Variants in SLFN12L observed in about 807,000 individuals in gnomAD.
SLFN12L encodes the protein schlafen family member 12-like.
Under a neutral mutation model 34.8 loss-of-function variants are expected in SLFN12L, and 34 were observed. The observed-to-expected ratio is 0.98, with a 90% CI of 0.74 to 1.30. SLFN12L has a LOEUF of 1.30. SLFN12L is among the 50% of genes most tolerant of loss of function. SLFN12L has a pLI of 0.00. For missense variants in SLFN12L, 703 were observed against 696.2 expected, an observed-to-expected ratio of 1.01 and a Z score of -0.11; for synonymous variants, 259 against 247.5, an observed-to-expected ratio of 1.05 and a Z score of -0.44.
rs1352310664 is a variant in SLFN12L at position 35,530,527 on chromosome 17, GAAAAGAAAAGA to G, written c.-606+7035_-606+7045del. Among the ~76,000 whole-genome samples the G allele has an allele frequency of 4.7e-3, 178 of 37,510 alleles. 13 individuals are homozygous for G. The highest frequency in any genetic ancestry group is 0.012 in the African/African-American group (175 of 14,402). The allele number at this position is 37,510 out of a possible 152,430, so 24.6% of individuals were successfully genotyped here. ...AAGAAAGAAAGAAAAGAAAAGAAAA[GAAAAGAAAAGA>G]AAAGAAAGAAAGAAAGAAAGAGAAA... On this transcript the variant is annotated intron_variant, in intron 1 of 4. Coordinates refer to ENST00000628453, the MANE Select transcript of SLFN12L (RefSeq NM_001363830.2).
rs1188497065 is a variant in SLFN12L at position 35,470,205 on chromosome 17, G to A, written c.*4718C>T. The A allele has an allele frequency of 6.6e-6, 1 of 150,794 alleles. No homozygotes were observed. The highest frequency in any genetic ancestry group is 1.5e-5 in the Non-Finnish European group (1 of 67,592). The allele number at this position is 150,794 out of a possible 1,614,324, so 9.3% of individuals were successfully genotyped here. On this transcript the variant is annotated 3_prime_UTR_variant, in exon 5 of 5. Transcript: ENST00000628453. ...GCAAAACTATGTTCCATGTAGATCT[G>A]GCCCATCTTGAGGCTATTGTTCCTG...
At chr17:35,534,085 G>A (rs1436608777) in intron 1 of SLFN12L, among the ~76,000 whole-genome samples, 3 of 148,590 alleles carry the variant, frequency 2.0e-5, no homozygotes, top group African/African-American at 7.5e-5. Flanking sequence ...AGAAAGGCCT[G>A]GGCACGGTGT....
At chr17:35,478,265 A>G in intron 3 of SLFN12L, 80 bp from the exon 4 acceptor site, 2 of 834,516 alleles carry the variant, frequency 2.4e-6, no homozygotes, top group Non-Finnish European at 3.9e-6. Flanking sequence ...TGCACAGTAT[A>G]CCAAACGTCT....
intron 2 of SLFN12L, chr17:35,498,073 G>A (rs1310424981): frequency 3.8e-6 from 2 of 532,588 alleles, no homozygotes; most frequent in Non-Finnish European, 6.6e-6. Flanking sequence ...CAGAGCGGCG[G>A]CGAGGGCGGC....
At chr17:35,496,295 C>T (rs948387157) in intron 2 of SLFN12L, among the ~76,000 whole-genome samples, 8 of 152,060 alleles carry the variant, frequency 5.3e-5, no homozygotes, top group African/African-American at 1.7e-4. Flanking sequence ...GCTACATCAG[C>T]CGTGATCGCG....
Position 35,484,665 on chromosome 17 carries a change from C to T in SLFN12L, c.87-4470G>A, listed in dbSNP as rs536175713. On this transcript the variant is annotated intron_variant, in intron 2 of 4. Transcript: ENST00000628453. Reference sequence around the variant, plus strand: ...TGTCCTAGGACCTCATGGCTAGGTCCTATTCCAGGAGAATAGCCTGGCAAG... The same window carrying T: ...TGTCCTAGGACCTCATGGCTAGGTCTTATTCCAGGAGAATAGCCTGGCAAG... Among the ~76,000 whole-genome samples, 12 of 152,304 alleles carry T rather than the reference C, an allele frequency of 7.9e-5. No homozygotes were observed. The South Asian group carries it at 2.5e-3, about 32-fold the overall frequency.
At chr17:35,535,124 C>T (rs1796029951) in intron 1 of SLFN12L, among the ~76,000 whole-genome samples, 2 of 151,394 alleles carry the variant, frequency 1.3e-5, no homozygotes, top group Non-Finnish European at 2.9e-5. Flanking sequence ...GGGTGAGGCT[C>T]AAATCCAGGA....
chr17:35,533,312 G>C (rs2072428908), intron 1 of SLFN12L, among the ~76,000 whole-genome samples: 1 of 152,156 alleles, frequency 6.6e-6, no homozygotes, highest in Non-Finnish European at 1.5e-5. Flanking sequence ...ATAAATAATA[G>C]TCATAAATCA....
intron 2 of SLFN12L, chr17:35,491,070 T>TATGA (rs544499980): frequency 2.3e-5 from 18 of 784,108 alleles, no homozygotes; most frequent in Middle Eastern, 2.3e-4. Context: ...AATCCTCTAG[T>TATGA]ATGACCATTT....
At chr17:35,502,238 G>T (rs1597860329) in intron 2 of SLFN12L, among the ~76,000 whole-genome samples, 1 of 151,916 alleles carries the variant, frequency 6.6e-6, no homozygotes, top group Non-Finnish European at 1.5e-5. Context: ...GTAAACAAGG[G>T]GGTATCCCAA....
intron 2 of SLFN12L, among the ~76,000 whole-genome samples, chr17:35,483,413 C>T (rs532527425): frequency 6.6e-6 from 1 of 152,288 alleles, no homozygotes; most frequent in South Asian, 2.1e-4. Flanking sequence ...AAAATCAACA[C>T]CCTGAAGATC....
chr17:35,522,854 A>T lies in SLFN12L; in HGVS notation c.-490T>A. 4 of 991,330 alleles carry T rather than the reference A, an allele frequency of 4.0e-6. No homozygotes were observed. The highest frequency in any genetic ancestry group is 6.2e-6 in the Non-Finnish European group (4 of 641,496). 61.4% of individuals were successfully genotyped at this position (991,330 alleles called of 1,614,324 possible). ...CAGCCTAGCTTCTAGAGAGGATCAC[A>T]ATTCCCCAGGAGAAAGGTTGGGTTT... On this transcript the variant is annotated 5_prime_UTR_variant, in exon 2 of 5. Coordinates refer to ENST00000628453, the MANE Select transcript of SLFN12L (RefSeq NM_001363830.2).
At position 35,537,570 on chromosome 17, in the gene SLFN12L, T is replaced by C. The variant is rs2072474422; in HGVS notation, c.-606+3A>G. On this transcript the variant is annotated splice_donor_region_variant and intron_variant, in intron 1 of 4. Coordinates refer to ENST00000628453, the MANE Select transcript of SLFN12L (RefSeq NM_001363830.2). The stretch of plus-strand genomic sequence containing the variant: ...TAGATCTCTCTGGACAATCTGTACT[T>C]ACCTTGGGAGTTAAAAGATTCCACA... The C allele has an allele frequency of 6.6e-6, 1 of 152,246 alleles. No homozygotes were observed. The highest frequency in any genetic ancestry group is 2.4e-5 in the African/African-American group (1 of 41,464). The allele number at this position is 152,246 out of a possible 1,614,324, so 9.4% of individuals were successfully genotyped here.
chr17:35,515,229 A>T, intron 2 of SLFN12L: 1 of 515,816 alleles, frequency 1.9e-6, no homozygotes, highest in Non-Finnish European at 3.7e-6. Flanking sequence ...GCGGTGGGGG[A>T]AAGGAGCGGT....
chr17:35,480,101 C>T lies in SLFN12L; in HGVS notation c.181G>A (p.Gly61Arg). The T allele has an allele frequency of 6.2e-7, 1 of 1,614,052 alleles. No individual in the cohort carries two copies. The highest frequency in any genetic ancestry group is 1.1e-5 in the South Asian group (1 of 91,062). ...TTGTTCTCTCCAAGAGTGACTCTTC[C>T]CACATTTAGAACCAGCTCAGCATAG... ...TNYAELVLNV[G>R]RVTLGENNRK... Residue 61 changes from glycine (G) to arginine (R), a missense_variant, in exon 3 of 5, where the codon GGA becomes AGA. Transcript: ENST00000628453.
intron 2 of SLFN12L, chr17:35,480,445 G>A (rs866584065): frequency 1.1e-5 from 4 of 363,968 alleles, no homozygotes; most frequent in African/African-American, 6.3e-5. Context: ...GTCTTTATGT[G>A]TTCGTTGTGT....
At chr17:35,483,445 T>C (rs1914433837) in intron 2 of SLFN12L, among the ~76,000 whole-genome samples, 1 of 152,168 alleles carries the variant, frequency 6.6e-6, no homozygotes, top group African/African-American at 2.4e-5. Flanking sequence ...GCTCACCCCT[T>C]CTGCCATATG....
At position 35,466,835 on chromosome 17, in the gene SLFN12L, C is replaced by T. The variant is rs973428729; in HGVS notation, c.*8088G>A. On this transcript the variant is annotated 3_prime_UTR_variant, in exon 5 of 5. Coordinates refer to ENST00000628453, the MANE Select transcript of SLFN12L (RefSeq NM_001363830.2). The stretch of plus-strand genomic sequence containing the variant: ...CTACGAATTGCCTGAGGGCTCTCAG[C>T]CTCATGCTATATGCCATTAAAACCA... Among the ~76,000 whole-genome samples, 3 of 152,194 alleles carry T rather than the reference C, an allele frequency of 2.0e-5. No individual in the cohort carries two copies. Among genetic ancestry groups the T allele is most frequent in the African/African-American group, 7.2e-5 (3 of 41,450 alleles).
At chr17:35,527,198 T>C (rs1009387296) in intron 1 of SLFN12L, among the ~76,000 whole-genome samples, 3 of 152,156 alleles carry the variant, frequency 2.0e-5, no homozygotes, top group Non-Finnish European at 4.4e-5. Flanking sequence ...TAACAGCTTC[T>C]GAAATTGAGG....
Sources: allele counts gnomAD v4.1 joint callset (sites outside exome capture counted in the v4.1 genomes callset), GRCh38; gene constraint gnomAD v4.1.1; transcripts MANE v1.5; gene names NCBI Gene and HGNC (gene_info 2026-07-23, HGNC 2026-07-21).